ARMH3: variants seen among roughly 807,000 people sequenced by gnomAD.
ARMH3 encodes the protein armadillo like helical domain containing 3.
In ARMH3, 60 loss-of-function variants were observed where a neutral mutation model predicts 99.1. That is an observed-to-expected ratio of 0.61 (90% CI 0.49 to 0.75). The LOEUF is 0.75. Among genes scored for constraint, ARMH3 ranks in the 30% least tolerant of loss-of-function variants. The pLI, the probability that ARMH3 is intolerant of heterozygous loss-of-function variation, is 0.00. For synonymous variants in ARMH3, 285 were observed against 292.8 expected (o/e 0.97, Z 0.27); for missense variants, 679 against 843.1 (o/e 0.81, Z 2.41).
intron 2 of ARMH3, among the ~76,000 whole-genome samples, chr10:102,035,290 G>A (rs548787411): frequency 3.9e-4 from 59 of 152,246 alleles, no homozygotes; most frequent in South Asian, 6.2e-4. Context: ...GCTTGAACCC[G>A]GGAGGTGGAG....
chr10:102,052,233 C>T (rs891674695), intron 1 of ARMH3, among the ~76,000 whole-genome samples: 8 of 151,866 alleles, frequency 5.3e-5, no homozygotes, highest in African/African-American at 1.7e-4. Context: ...CCCACTCCCC[C>T]GCCCCACCGA....
intron 24 of ARMH3, among the ~76,000 whole-genome samples, chr10:101,860,754 T>C (rs148150645): frequency 3.9e-5 from 6 of 152,292 alleles, no homozygotes; most frequent in East Asian, 1.9e-4. Context: ...AGAGTACCTG[T>C]TGAATACCTA....
chr10:101,873,798 T>A (rs1204628351), intron 24 of ARMH3, among the ~76,000 whole-genome samples: 3 of 152,236 alleles, frequency 2.0e-5, no homozygotes, highest in Non-Finnish European at 4.4e-5. Context: ...ATCCATGTTG[T>A]AACATGTATC....
rs763929455 is a variant in ARMH3, at chr10:102,033,346, C to T, written c.103-7G>A. 6.2e-7 allele frequency: 1 copy of T among 1,613,586 alleles called. No individual in the cohort carries two copies. Among genetic ancestry groups the T allele is most frequent in the Non-Finnish European group, 8.5e-7 (1 of 1,179,884 alleles). Reference sequence around the variant, plus strand: ...ACTTACTGGGGTCCTCTGTCTGAAACCAGAATATAAGCACATTCAGCCTTC... The same window carrying T: ...ACTTACTGGGGTCCTCTGTCTGAAATCAGAATATAAGCACATTCAGCCTTC... On this transcript the variant is annotated splice_polypyrimidine_tract_variant and splice_region_variant and intron_variant, in intron 2 of 25. Transcript: ENST00000370033.
chr10:102,038,748 T>C (rs991764915), intron 2 of ARMH3, among the ~76,000 whole-genome samples: 1 of 152,082 alleles, frequency 6.6e-6, no homozygotes, highest in East Asian at 1.9e-4. Context: ...CTTTTTTTTT[T>C]TTCTTTTTTT....
chr10:101,987,558 G>T (rs1014502145), intron 19 of ARMH3, among the ~76,000 whole-genome samples: 1 of 152,130 alleles, frequency 6.6e-6, no homozygotes, highest in East Asian at 1.9e-4. Context: ...ACCCCAATCT[G>T]GTATTCACAC....
chr10:102,019,483 TA>T (rs2066827195), intron 8 of ARMH3, among the ~76,000 whole-genome samples: 1 of 151,946 alleles, frequency 6.6e-6, no homozygotes, highest in Non-Finnish European at 1.5e-5. Flanking sequence ...TCATAGGAGG[TA>T]ACAGCTTCAT....
intron 1 of ARMH3, among the ~76,000 whole-genome samples, chr10:102,045,895 G>A (rs1240971965): frequency 6.6e-6 from 1 of 152,094 alleles, no homozygotes; most frequent in Non-Finnish European, 1.5e-5. Flanking sequence ...GGGAGTTCGA[G>A]ACCAGCCTAA....
Position 101,994,208 on chromosome 10 carries a change from A to G in ARMH3, c.1210-605T>C, listed in dbSNP as rs1318731267. On this transcript the variant is annotated intron_variant, in intron 16 of 25. Coordinates refer to ENST00000370033, the MANE Select transcript of ARMH3 (RefSeq NM_024541.3). Reference sequence around the variant, plus strand: ...CCAATACCTTTTCTGAAGATCTGACAAGCCTACAGACTCCAATTACAAGGA... The same window carrying G: ...CCAATACCTTTTCTGAAGATCTGACGAGCCTACAGACTCCAATTACAAGGA... 3.3e-5 allele frequency among the ~76,000 whole-genome samples: 5 copies of G among 152,258 alleles called. No individual in the cohort carries two copies. In the East Asian group the frequency reaches 9.6e-4, roughly 29 times the overall value.
intron 23 of ARMH3, among the ~76,000 whole-genome samples, chr10:101,918,306 G>A (rs183083713): frequency 2.9e-3 from 446 of 152,214 alleles, no homozygotes; most frequent in African/African-American, 0.01. Flanking sequence ...CGCTGCCCTC[G>A]GCCTCCCAAA....
chr10:102,030,929 G>T (rs1269419620), intron 4 of ARMH3, among the ~76,000 whole-genome samples: 4 of 151,970 alleles, frequency 2.6e-5, no homozygotes, highest in Non-Finnish European at 5.9e-5. Context: ...GGAGTTACAG[G>T]TGTGCACCAC....
intron 19 of ARMH3, among the ~76,000 whole-genome samples, chr10:101,988,938 A>G (rs1422773148): frequency 6.6e-6 from 1 of 150,840 alleles, no homozygotes; most frequent in Non-Finnish European, 1.5e-5. Context: ...AAAAAAAAAA[A>G]AAAAAAAGCA....
At chr10:101,921,004 A>G (rs1374473) in intron 23 of ARMH3, among the ~76,000 whole-genome samples, 58 of 152,292 alleles carry the variant, frequency 3.8e-4, no homozygotes, top group African/African-American at 1.3e-3. Context: ...GAAAATGGGG[A>G]GTTGTTTAAT....
intron 24 of ARMH3, among the ~76,000 whole-genome samples, chr10:101,878,874 G>A (rs1262675185): frequency 3.3e-5 from 5 of 151,856 alleles, no homozygotes; most frequent in Admixed American, 2.0e-4. Context: ...CCTTTAGTGT[G>A]TAGAAGAAAC....
At chr10:101,848,407 G>A (rs2066509381) in intron 25 of ARMH3, among the ~76,000 whole-genome samples, 1 of 152,174 alleles carries the variant, frequency 6.6e-6, no homozygotes, top group African/African-American at 2.4e-5. Context: ...TACTCTGAGA[G>A]GGTTCCAAGA....
intron 15 of ARMH3, among the ~76,000 whole-genome samples, chr10:101,997,163 G>T (rs1185509093): frequency 6.6e-6 from 1 of 152,074 alleles, no homozygotes; most frequent in Non-Finnish European, 1.5e-5. Context: ...TACTCAGGAG[G>T]CTGAGGCAAG....
At chr10:101,909,133 G>A (rs59993986) in intron 23 of ARMH3, among the ~76,000 whole-genome samples, 5 of 151,602 alleles carry the variant, frequency 3.3e-5, no homozygotes, top group South Asian at 2.1e-4. Flanking sequence ...AGGGCTGGGC[G>A]CAGTGGCTCA....
intron 24 of ARMH3, among the ~76,000 whole-genome samples, chr10:101,862,580 A>C (rs1468401972): frequency 6.6e-6 from 1 of 152,202 alleles, no homozygotes; most frequent in Non-Finnish European, 1.5e-5. Flanking sequence ...CCATCTAAAA[A>C]AATAAATAAC....
chr10:102,033,628 C>T (rs2067185886), intron 2 of ARMH3, among the ~76,000 whole-genome samples: 1 of 152,110 alleles, frequency 6.6e-6, no homozygotes, highest in African/African-American at 2.4e-5. Context: ...CCATGTTAGC[C>T]AGGATGGTCT....
Sources: gnomAD v4.1 joint callset for allele counts (sites outside exome capture counted in the v4.1 genomes callset) on GRCh38, gnomAD v4.1.1 for gene constraint, MANE v1.5 for transcripts, NCBI Gene and HGNC (gene_info 2026-07-23, HGNC 2026-07-21) for gene names.